THNSL1: variants seen among roughly 807,000 people sequenced by gnomAD.
THNSL1 encodes threonine synthase-like 1.
Under a neutral mutation model 50.4 loss-of-function variants are expected in THNSL1, and 48 were observed. The observed-to-expected ratio is 0.95, with a 90% confidence interval of 0.76 to 1.21. The LOEUF is 1.21. Ranked by LOEUF, THNSL1 falls within the 50% of genes most tolerant of loss-of-function variation. THNSL1 has a pLI of 0.00. For missense variants in THNSL1, 896 were observed against 871.7 expected (o/e 1.03, Z -0.35); for synonymous variants, 309 against 306.1 (o/e 1.01, Z -0.10).
chr10:25,014,770 T>C (rs1042654056), upstream of THNSL1, among the ~76,000 whole-genome samples: 1 of 152,202 alleles, frequency 6.6e-6, no homozygotes, highest in Non-Finnish European at 1.5e-5. Flanking sequence ...AGTCTCTAGA[T>C]GTTGATATGC....
upstream of THNSL1, among the ~76,000 whole-genome samples, chr10:25,015,529 A>AT (rs936950096): frequency 6.6e-6 from 1 of 152,156 alleles, no homozygotes; most frequent in South Asian, 2.1e-4. Flanking sequence ...TAGAATTGTG[A>AT]TTTTTTTCTT....
At chr10:24,956,495 T>C in the THNSL1 span, among the ~76,000 whole-genome samples, 1 of 151,922 alleles carries the variant, frequency 6.6e-6, no homozygotes, top group African/African-American at 2.4e-5. Context: ...ATATTGTGTT[T>C]ACTTACTTTT....
chr10:24,990,755 T>A, the THNSL1 span: 3 of 790,786 alleles, frequency 3.8e-6, no homozygotes, highest in East Asian at 2.9e-5. Flanking sequence ...ATTCAGTGAC[T>A]TTTTTCCCTC....
At position 25,023,388 on chromosome 10, in the gene THNSL1, C is replaced by G. The variant is rs1752964452; in HGVS notation, c.165C>G (p.Asp55Glu). ...SWYSTHSLVG[D>E]KNIILMGPPG... is the part of the protein sequence containing the mutation. ...ATTCAACCCACTCTCTTGTTGGAGA[C>G]AAAAATATTATCCTGATGGGACCTC... Residue 55 changes from aspartate to glutamate, a missense_variant, in exon 3 of 3, where the codon GAC becomes GAG. Asp to Glu is a conservative substitution (Grantham distance 45). Coordinates refer to ENST00000376356, the MANE Select transcript of THNSL1 (RefSeq NM_024838.5). 1 of 1,613,952 alleles carries G rather than the reference C, an allele frequency of 6.2e-7. No individual in the cohort carries two copies. The highest frequency in any genetic ancestry group is 1.3e-5 in the African/African-American group (1 of 74,902).
At chr10:24,986,551 T>G in the THNSL1 span, among the ~76,000 whole-genome samples, 830 of 152,224 alleles carry the variant, frequency 5.5e-3, 9 homozygotes, top group African/African-American at 0.017. Flanking sequence ...TCCACAGGAG[T>G]GGCTATTGCA....
At chr10:25,006,824 A>G in the THNSL1 span, among the ~76,000 whole-genome samples, 1 of 152,156 alleles carries the variant, frequency 6.6e-6, no homozygotes, top group African/African-American at 2.4e-5. Flanking sequence ...TTGGTATTAG[A>G]TTTGTGTCTC....
intron 2 of THNSL1, among the ~76,000 whole-genome samples, chr10:25,022,332 G>A (rs1416193115): frequency 6.6e-6 from 1 of 152,146 alleles, no homozygotes. Context: ...TGGCCCTGGG[G>A]TCTGGAAATT....
In THNSL1 at chr10:25,024,330, T is replaced by A; in HGVS notation, c.1107T>A (p.Ser369Arg). 2 of 1,614,174 alleles carry A rather than the reference T, an allele frequency of 1.2e-6. No homozygotes were observed. The highest frequency in any genetic ancestry group is 1.7e-6 in the Non-Finnish European group (2 of 1,180,030). ...PHIFAHCIPPSCNYMILVATS... is the reference protein window; with the variant it reads ...PHIFAHCIPPRCNYMILVATS... ...TTTTTGCACACTGTATCCCACCAAGTTGCAATTATATGATACTTGTAGCTA... is the reference window on the plus strand; with the variant it reads ...TTTTTGCACACTGTATCCCACCAAGATGCAATTATATGATACTTGTAGCTA... Residue 369 changes from serine to arginine, a missense_variant, in exon 3 of 3, where the codon AGT becomes AGA. Ser to Arg is a moderately radical substitution (Grantham distance 110, BLOSUM62 -1). Coordinates refer to ENST00000376356, the MANE Select transcript of THNSL1 (RefSeq NM_024838.5).
the THNSL1 span, among the ~76,000 whole-genome samples, chr10:24,987,705 T>TA: frequency 2.6e-5 from 4 of 152,174 alleles, no homozygotes; most frequent in South Asian, 6.2e-4. Flanking sequence ...CCTCTGCAAG[T>TA]ATGTGTTCTG....
At chr10:24,994,527 T>C in the THNSL1 span, among the ~76,000 whole-genome samples, 4 of 151,758 alleles carry the variant, frequency 2.6e-5, no homozygotes, top group East Asian at 2.0e-4. Flanking sequence ...AGAGATGGGG[T>C]GTCACCATGT....
rs774112700 is a variant in THNSL1 at position 25,024,340 on chromosome 10, A to G, written c.1117A>G (p.Met373Val). ...AHCIPPSCNY[M>V]ILVATSGDTG... ...CTGTATCCCACCAAGTTGCAATTAT[A>G]TGATACTTGTAGCTACTTCAGGAGA... The change falls in exon 3 of 3, where the codon ATG becomes GTG. Residue 373 changes from methionine (M) to valine (V), a missense_variant. Transcript: ENST00000376356. 5.6e-6 allele frequency: 9 copies of G among 1,614,066 alleles called. No homozygotes were observed. The South Asian group carries it at 9.9e-5, about 18-fold the overall frequency.
the THNSL1 span, among the ~76,000 whole-genome samples, chr10:25,000,692 A>G: frequency 6.6e-6 from 1 of 152,150 alleles, no homozygotes; most frequent in Non-Finnish European, 1.5e-5. Flanking sequence ...TACTTGTTGG[A>G]GTTTTCCTAT....
At chr10:25,012,561 T>C (rs185753094), upstream of THNSL1, among the ~76,000 whole-genome samples, 12 of 152,314 alleles carry the variant, frequency 7.9e-5, no homozygotes, top group African/African-American at 2.6e-4. Context: ...GGAGATCATT[T>C]TGGAACTTTA....
At chr10:25,011,581 T>C in the THNSL1 span, among the ~76,000 whole-genome samples, 1 of 152,114 alleles carries the variant, frequency 6.6e-6, no homozygotes, top group African/African-American at 2.4e-5. Context: ...CAAAAATTAA[T>C]TCAAGATGGA....
chr10:24,995,423 A>G, the THNSL1 span, among the ~76,000 whole-genome samples: 6 of 152,218 alleles, frequency 3.9e-5, no homozygotes, highest in South Asian at 6.2e-4. Flanking sequence ...AAGGAAAACA[A>G]TAACTTTTAT....
Position 25,024,363 on chromosome 10 carries a change from A to G in THNSL1, c.1140A>G (p.Gly380=). ...CNYMILVATS[G]DTGSAVLNGF... is the part of the protein sequence containing the mutation. ...ATATGATACTTGTAGCTACTTCAGG[A>G]GACACAGGGAGTGCAGTCTTAAATG... Residue 380 remains glycine (G), a synonymous_variant, in exon 3 of 3, where the codon GGA becomes GGG. Coordinates refer to ENST00000376356, the MANE Select transcript of THNSL1 (RefSeq NM_024838.5). 2 of 1,614,064 alleles carry G rather than the reference A, an allele frequency of 1.2e-6. No homozygotes were observed. Among genetic ancestry groups the G allele is most frequent in the Non-Finnish European group, 1.7e-6 (2 of 1,180,030 alleles).
At chr10:24,988,666 A>G in the THNSL1 span, among the ~76,000 whole-genome samples, 375 of 862 alleles carry the variant, frequency 0.44, 3 homozygotes, top group African/African-American at 0.48. Flanking sequence ...CAGCATATGT[A>G]TATATATATA....
chr10:25,018,263 G>A (rs1034580503), intron 1 of THNSL1, among the ~76,000 whole-genome samples: 2 of 152,166 alleles, frequency 1.3e-5, no homozygotes, highest in Non-Finnish European at 2.9e-5. Context: ...TTTTGAAAGT[G>A]TGTTTAAGCA....
At chr10:25,017,684 C>G (rs768383502) in intron 1 of THNSL1, among the ~76,000 whole-genome samples, 1 of 150,610 alleles carries the variant, frequency 6.6e-6, no homozygotes, top group Non-Finnish European at 1.5e-5. Context: ...GGAAAATTCT[C>G]CAGATTTCTT....
Sources: gnomAD v4.1 joint callset for allele counts (sites outside exome capture counted in the v4.1 genomes callset) on GRCh38, gnomAD v4.1.1 for gene constraint, MANE v1.5 for transcripts, NCBI Gene and HGNC (gene_info 2026-07-23, HGNC 2026-07-21) for gene names.